Variants in DBN1 observed in about 807,000 individuals in gnomAD.
DBN1 encodes the protein drebrin.
A neutral mutation model predicts 83.5 loss-of-function variants in DBN1; 21 were observed. The ratio of observed to expected loss-of-function variants is 0.25; its 90% CI spans 0.18 to 0.36. DBN1 has a LOEUF of 0.36. DBN1 is among the 10% of genes least tolerant of loss of function. The pLI is 1.00. For synonymous variants in DBN1, 381 were observed against 384.9 expected (o/e 0.99, Z 0.12); for missense variants, 874 against 935.7 (o/e 0.93, Z 0.86).
Position 177,473,444 on chromosome 5 carries a change from C to T in DBN1, c.78G>A (p.Ala26=), listed in dbSNP as rs1757995994. 2.8e-6 allele frequency: 4 copies of T among 1,428,926 alleles called. No homozygotes were observed. Among genetic ancestry groups the T allele is most frequent in the East Asian group, 6.0e-5 (2 of 33,310 alleles). The allele number at this position is 1,428,926 out of a possible 1,614,324, so 88.5% of individuals were successfully genotyped here. Reference sequence around the variant, plus strand: ...GGGGGCGGGGGGCTCACCAGTCGGCCGCGCTCTCCTCTCGGATCACCTCCT... The same window carrying T: ...GGGGGCGGGGGGCTCACCAGTCGGCTGCGCTCTCCTCTCGGATCACCTCCT... ...AYEEVIREES[A]ADWALYTYED... is the part of the protein sequence containing the mutation. Residue 26 remains alanine (A), a synonymous_variant, in exon 1 of 15, where the codon GCG becomes GCA. Transcript: ENST00000393565.
chr5:177,465,426 G>A (rs1006833321), intron 8 of DBN1, among the ~76,000 whole-genome samples: 32 of 152,228 alleles, frequency 2.1e-4, no homozygotes, highest in African/African-American at 6.5e-4. Context: ...AGGAGCTGGC[G>A]AGTGGGGAAG....
chr5:177,466,819 A>T lies in DBN1; in HGVS notation c.724T>A (p.Leu242Ile). The part of the protein sequence containing the change: ...IEEHRRKQQT[L>I]EAEEAKRRLK... Reference sequence around the variant, plus strand: ...CGCCTCTTGGCCTCTTCCGCTTCTAAAGTCTGCTGTTTCCTCCTGGAACGA... The same window carrying T: ...CGCCTCTTGGCCTCTTCCGCTTCTATAGTCTGCTGTTTCCTCCTGGAACGA... The change falls in exon 8 of 15, where the codon TTA (leucine) becomes ATA (isoleucine). Residue 242 changes from leucine (L) to isoleucine (I), a missense_variant. Transcript: ENST00000393565. The surrounding 1 kb of genome is among the most constrained non-coding windows in gnomAD (Gnocchi z 4.8). 5 of 1,614,076 alleles carry T rather than the reference A, an allele frequency of 3.1e-6. No individual in the cohort carries two copies. The highest frequency in any genetic ancestry group is 4.2e-6 in the Non-Finnish European group (5 of 1,179,980).
chr5:177,467,564 G>A lies in DBN1; in HGVS notation c.394C>T (p.Arg132Trp), dbSNP rs868021454. The A allele has an allele frequency of 6.4e-7, 1 of 1,564,988 alleles. No homozygotes were observed. The highest frequency in any genetic ancestry group is 8.7e-7 in the Non-Finnish European group (1 of 1,154,842). Residue 132 changes from arginine (R) to tryptophan (W), a missense_variant, in exon 5 of 15, where the codon CGG (arginine) becomes TGG (tryptophan). Physicochemically the swap from Arg to Trp is moderately radical, Grantham distance 101 (BLOSUM62 -3). Transcript: ENST00000393565. This position sits in a 1 kb window ranked among gnomAD's most constrained non-coding sequence, Gnocchi z 9.1. The stretch of plus-strand genomic sequence containing the variant: ...AGTCGCGCCAGCCCGTTAGAGAGCC[G>A]CTGCCCGATGGCACCCGCGTCTATG... ...EDIDAGAIGQ[R>W]LSNGLARLSS...
At chr5:177,460,410 G>A (rs376708749) in intron 10 of DBN1, 22 bp downstream of exon 10, 69 of 1,612,492 alleles carry the variant, frequency 4.3e-5, no homozygotes, top group Middle Eastern at 3.8e-4. Flanking sequence ...GGGGCCGGAC[G>A]GGGGGTGGGG....
intron 8 of DBN1, among the ~76,000 whole-genome samples, chr5:177,461,219 C>T (rs948817328): frequency 6.7e-6 from 1 of 149,952 alleles, no homozygotes; most frequent in African/African-American, 2.4e-5. Context: ...CTGCCTCAGC[C>T]TCCCAAGTAG....
At chr5:177,471,448 C>T (rs1473442458) in intron 1 of DBN1, among the ~76,000 whole-genome samples, 1 of 152,024 alleles carries the variant, frequency 6.6e-6, no homozygotes, top group Admixed American at 6.5e-5. Flanking sequence ...GAGTGAACTC[C>T]CCCAACCACC....
At chr5:177,463,193 C>T (rs1581724145) in intron 8 of DBN1, among the ~76,000 whole-genome samples, 2 of 152,308 alleles carry the variant, frequency 1.3e-5, no homozygotes, top group South Asian at 2.1e-4. Context: ...CCCGCCACCA[C>T]GCTCGGCTAA....
intron 2 of DBN1, chr5:177,468,491 C>CTG: frequency 1.9e-6 from 1 of 532,212 alleles, no homozygotes; most frequent in East Asian, 2.9e-5. Context: ...ATTCTTCACA[C>CTG]ATCATCATGT....
chr5:177,461,199 C>T (rs532199551), intron 8 of DBN1, among the ~76,000 whole-genome samples: 18 of 143,080 alleles, frequency 1.3e-4, no homozygotes, highest in African/African-American at 3.1e-4. Context: ...CCCGGGTTCA[C>T]GCCATTCTCC....
At chr5:177,470,969 G>C (rs1412536652) in intron 1 of DBN1, among the ~76,000 whole-genome samples, 1 of 152,240 alleles carries the variant, frequency 6.6e-6, no homozygotes, top group African/African-American at 2.4e-5. Flanking sequence ...GTGAAGGCAG[G>C]AACGCTGACT....
chr5:177,462,293 G>A (rs1307234305), intron 8 of DBN1: 19 of 985,294 alleles, frequency 1.9e-5, no homozygotes, highest in South Asian at 4.7e-5. Flanking sequence ...AGGCACACCC[G>A]TTCCCACCTC....
Position 177,458,088 on chromosome 5 carries a change from A to G in DBN1, c.1884T>C (p.Asn628=), listed in dbSNP as rs1298068774. The G allele has an allele frequency of 6.2e-7, 1 of 1,610,424 alleles. No individual in the cohort carries two copies. Among genetic ancestry groups the G allele is most frequent in the Non-Finnish European group, 8.5e-7 (1 of 1,178,778 alleles). Residue 628 remains asparagine (N), a synonymous_variant, in exon 13 of 15, where the codon AAT becomes AAC. Transcript: ENST00000393565. ...TCCCCTCCTTCTGGGTGGTCTCGCC[A>G]TTGGTTAGCAGGTGGGGCTCCGGCT... The part of the protein sequence containing the change: ...EQEPEPHLLT[N]GETTQKEGTQ...
intron 2 of DBN1, 200 bp from the exon 3 acceptor site, chr5:177,468,420 C>G: frequency 1.7e-6 from 1 of 595,624 alleles, no homozygotes; most frequent in Non-Finnish European, 3.0e-6. Flanking sequence ...GCCTGTGACT[C>G]CTGCAGGGCC....
intron 8 of DBN1, among the ~76,000 whole-genome samples, chr5:177,464,609 A>G (rs1469662033): frequency 2.3e-5 from 3 of 129,174 alleles, no homozygotes; most frequent in East Asian, 2.0e-4. Context: ...AAGACAATAA[A>G]TAAATAAATA....
intron 8 of DBN1, among the ~76,000 whole-genome samples, chr5:177,465,929 T>C (rs1757414843): frequency 1.3e-5 from 2 of 148,718 alleles, no homozygotes. Flanking sequence ...CACCATGTTC[T>C]TTATGTGGCA....
At chr5:177,461,376 G>A (rs1581721026) in intron 8 of DBN1, among the ~76,000 whole-genome samples, 1 of 152,016 alleles carries the variant, frequency 6.6e-6, no homozygotes, top group East Asian at 1.9e-4. Context: ...GGGATTACAG[G>A]CGTGAGCCAC....
intron 11 of DBN1, 53 bp from the exon 12 acceptor site, chr5:177,459,321 A>T (rs1756830476): frequency 1.9e-6 from 3 of 1,579,558 alleles, no homozygotes; most frequent in Non-Finnish European, 2.6e-6. Context: ...CGGGTGAGAC[A>T]GGATTGTCCA....
rs1758000992 is a variant in DBN1 at position 177,473,525 on chromosome 5, T to TCGGGC, written c.-9_-5dup. On this transcript the variant is annotated 5_prime_UTR_variant, in exon 1 of 15. Transcript: ENST00000393565. ...CGCTGAAGCTGACGCCGGCCATGCT[T>TCGGGC]CGGGCCGGACCGGGCCGAACGGACA... 22 of 1,412,418 alleles carry TCGGGC rather than the reference T, an allele frequency of 1.6e-5. No homozygotes were observed. Among genetic ancestry groups the TCGGGC allele is most frequent in the Non-Finnish European group, 2.0e-5 (21 of 1,073,556 alleles). The allele number at this position is 1,412,418 out of a possible 1,614,324, so 87.5% of individuals were successfully genotyped here. A position where few individuals can be genotyped will look rare whatever the true frequency, so the allele number is the denominator to read the frequency against.
chr5:177,458,571 C>T lies in DBN1; in HGVS notation c.1401G>A (p.Leu467=), dbSNP rs1419718518. ...PRGPGSPAED[L]MFMESAEQAV... ...CCTGCTCTGCAGACTCCATGAACAT[C>T]AAGTCCTCTGCAGGGCTGCCTGGCC... Residue 467 remains leucine, a synonymous_variant, in exon 13 of 15, where the codon TTG becomes TTA. Transcript: ENST00000393565. 16 of 1,613,956 alleles carry T rather than the reference C, an allele frequency of 9.9e-6. 1 individual carries two copies.
Sources: allele counts gnomAD v4.1 joint callset (sites outside exome capture counted in the v4.1 genomes callset), GRCh38; gene constraint gnomAD v4.1.1; non-coding constraint Gnocchi (gnomAD v3.1); transcripts MANE v1.5; gene names NCBI Gene and HGNC (gene_info 2026-07-23, HGNC 2026-07-21).